The following ABCB5 variants were observed in gnomAD, a reference collection of about 807,000 sequenced individuals.
The protein encoded by ABCB5 is ATP-binding cassette sub-family B member 5.
Under a neutral mutation model 144.2 loss-of-function variants are expected in ABCB5, and 155 were observed. The ratio of observed to expected loss-of-function variants is 1.08; its 90% CI spans 0.94 to 1.23. The LOEUF (loss-of-function observed/expected upper bound fraction) is 1.23. Among genes scored for constraint, ABCB5 ranks in the 50% most tolerant of loss-of-function variants. The probability of loss-of-function intolerance (pLI) is 0.00; values close to 1 mark genes in which losing one functional copy is unlikely to be tolerated. For synonymous variants in ABCB5, 610 were observed against 528.6 expected (o/e 1.15, Z -2.11); for missense variants, 1,830 against 1,520.8 (o/e 1.20, Z -3.38).
At chr7:20,673,336 C>A (rs1287342718) in intron 14 of ABCB5, among the ~76,000 whole-genome samples, 1 of 152,000 alleles carries the variant, frequency 6.6e-6, no homozygotes, top group African/African-American at 2.4e-5. Context: ...TCTACTTGTT[C>A]TATCAGTTAC....
chr7:20,711,191 T>G (rs1787015734), intron 20 of ABCB5, among the ~76,000 whole-genome samples: 1 of 149,778 alleles, frequency 6.7e-6, no homozygotes, highest in Non-Finnish European at 1.5e-5. Context: ...TTAAAGAATT[T>G]TAAATAAATA....
At chr7:20,710,687 T>G (rs1304186700) in intron 20 of ABCB5, among the ~76,000 whole-genome samples, 1 of 149,854 alleles carries the variant, frequency 6.7e-6, no homozygotes, top group African/African-American at 2.5e-5. Context: ...TCTATTTGTG[T>G]GTCTGTATTT....
chr7:20,746,178 A>G (rs1055793238), intron 26 of ABCB5, among the ~76,000 whole-genome samples: 5 of 151,382 alleles, frequency 3.3e-5, no homozygotes, highest in African/African-American at 1.2e-4. Context: ...CAGCTCACTC[A>G]GCTCCACCTC....
Position 20,728,441 on chromosome 7 carries a change from A to C in ABCB5, c.2853A>C (p.Pro951=). ...AYLIQAGRMT[P]EGMFIVFTAI... ...TAATTCAAGCTGGACGAATGACCCCAGAGGGCATGTTCATGTAAGTCGTGG... is the reference window on the plus strand; with the variant it reads ...TAATTCAAGCTGGACGAATGACCCCCGAGGGCATGTTCATGTAAGTCGTGG... The change falls in exon 23 of 28, where the codon CCA becomes CCC. Residue 951 remains proline, a synonymous_variant. Coordinates refer to ENST00000404938, the MANE Select transcript of ABCB5 (RefSeq NM_001163941.2). 1 of 1,614,138 alleles carries C rather than the reference A, an allele frequency of 6.2e-7. No homozygotes were observed.
intron 26 of ABCB5, among the ~76,000 whole-genome samples, chr7:20,749,044 GTCTCTCCCTTTCTTTC>G (rs1419149699): frequency 4.0e-5 from 6 of 151,856 alleles, no homozygotes; most frequent in South Asian, 2.1e-4. Flanking sequence ...TCCTTTCTTT[GTCTCTCCCTTTCTTTC>G]TCTCTCCCTT....
intron 4 of ABCB5, 58 bp downstream of exon 4, chr7:20,628,896 A>C (rs1395513470): frequency 6.4e-7 from 1 of 1,562,006 alleles, no homozygotes; most frequent in African/African-American, 1.4e-5. Context: ...GAATAAAGCA[A>C]ACAAACGTTA....
chr7:20,683,252 G>A (rs2128039536), intron 15 of ABCB5, among the ~76,000 whole-genome samples: 1 of 152,226 alleles, frequency 6.6e-6, no homozygotes, highest in Non-Finnish European at 1.5e-5. Context: ...GTTTGAAAAT[G>A]TAGTTTTTAT....
chr7:20,647,480 T>C (rs1784438903), intron 9 of ABCB5, 55 bp from the exon 10 acceptor site: 2 of 1,504,484 alleles, frequency 1.3e-6, no homozygotes, highest in Admixed American at 5.2e-5. Flanking sequence ...TTACATTCTA[T>C]TGTCTTTCTT....
chr7:20,700,658 T>C (rs892643179), intron 19 of ABCB5, among the ~76,000 whole-genome samples: 5 of 152,158 alleles, frequency 3.3e-5, no homozygotes, highest in African/African-American at 1.2e-4. Flanking sequence ...AGATGATCAG[T>C]CCCCGCTGTG....
chr7:20,726,119 C>T (rs1782027111), intron 21 of ABCB5, among the ~76,000 whole-genome samples: 2 of 152,160 alleles, frequency 1.3e-5, no homozygotes, highest in Non-Finnish European at 2.9e-5. Context: ...CATTTTGAAT[C>T]CCATGTAATT....
intron 17 of ABCB5, among the ~76,000 whole-genome samples, chr7:20,699,060 T>C (rs1210353649): frequency 6.6e-6 from 1 of 152,246 alleles, no homozygotes; most frequent in Admixed American, 6.5e-5. Context: ...TGCACAGCTA[T>C]ACTTTATCAG....
chr7:20,733,961 G>C (rs751050896), intron 23 of ABCB5, among the ~76,000 whole-genome samples: 8 of 152,110 alleles, frequency 5.3e-5, no homozygotes, highest in Non-Finnish European at 1.0e-4. Flanking sequence ...GTTTCATCCA[G>C]TCAGAATACA....
chr7:20,667,384 A>C, intron 14 of ABCB5: 6 of 985,620 alleles, frequency 6.1e-6, no homozygotes, highest in Non-Finnish European at 7.2e-6. Flanking sequence ...AACCTGTATC[A>C]GGAAACCCTG....
intron 4 of ABCB5, among the ~76,000 whole-genome samples, chr7:20,629,655 G>A (rs762978530): frequency 4.6e-5 from 7 of 152,012 alleles, no homozygotes; most frequent in African/African-American, 9.7e-5. Flanking sequence ...CCAGCTACTC[G>A]GGAGGCTGAG....
intron 13 of ABCB5, among the ~76,000 whole-genome samples, chr7:20,655,476 G>T (rs949952226): frequency 6.6e-6 from 1 of 150,904 alleles, no homozygotes; most frequent in East Asian, 1.9e-4. Flanking sequence ...CTGCTCCCCC[G>T]CACCTCCCCC....
chr7:20,681,496 A>G lies in ABCB5; in HGVS notation c.1708-9A>G. The G allele has an allele frequency of 6.2e-7, 1 of 1,613,744 alleles. No individual in the cohort carries two copies. Among genetic ancestry groups the G allele is most frequent in the East Asian group, 2.2e-5 (1 of 44,874 alleles). ...TGTCTATTTATTTTCTATGCATTTT[A>G]TTCTGTAGGCGAGCAAAGGTCGGAC... On this transcript the variant is annotated splice_polypyrimidine_tract_variant and intron_variant, in intron 14 of 27. Coordinates refer to ENST00000404938, the MANE Select transcript of ABCB5 (RefSeq NM_001163941.2).
chr7:20,704,813 T>C lies in ABCB5; in HGVS notation c.2421+6T>C, dbSNP rs1298976711. 1.2e-6 allele frequency: 2 copies of C among 1,605,090 alleles called. No homozygotes were observed. The highest frequency in any genetic ancestry group is 2.7e-5 in the African/African-American group (2 of 74,668). ...ATATAGCACAAATTCAAGGAGTATG[T>C]ATATTGTTTTTATTGTAAATGATGT... On this transcript the variant is annotated splice_donor_region_variant and intron_variant, in intron 20 of 27. Transcript: ENST00000404938.
chr7:20,734,456 C>G (rs1000601518), intron 23 of ABCB5, among the ~76,000 whole-genome samples: 1 of 149,986 alleles, frequency 6.7e-6, no homozygotes, highest in Non-Finnish European at 1.5e-5. Context: ...GGGCAGGAAT[C>G]TTCATTTTAT....
In ABCB5 at chr7:20,755,332, AAAG is replaced by A. The variant is rs539964505; in HGVS notation, c.3577-91_3577-89del. On this transcript the variant is annotated intron_variant, in intron 27 of 27. Transcript: ENST00000404938. Reference sequence around the variant, plus strand: ...TCCTTTGGGGACAAGCAAATAAAGCAAAGAAGGTTATTAGACTACCTTAATTGA... The same window carrying A: ...TCCTTTGGGGACAAGCAAATAAAGCAAAGGTTATTAGACTACCTTAATTGA... 2.1e-4 allele frequency: 224 copies of A among 1,079,698 alleles called. 1 individual carries two copies. In the East Asian group the frequency reaches 4.5e-3, roughly 22 times the overall value. 66.9% of individuals were successfully genotyped at this position (1,079,698 alleles called of 1,614,324 possible).
Sources: gnomAD v4.1 joint callset for allele counts (sites outside exome capture counted in the v4.1 genomes callset) on GRCh38, gnomAD v4.1.1 for gene constraint, MANE v1.5 for transcripts, NCBI Gene and HGNC (gene_info 2026-07-23, HGNC 2026-07-21) for gene names.